The following CFAP299 variants were observed in gnomAD, a reference collection of about 807,000 sequenced individuals.
CFAP299 encodes the protein cilia and flagella associated protein 299.
A neutral mutation model predicts 27.0 loss-of-function variants in CFAP299; 21 were observed. The observed-to-expected ratio is 0.78, with a 90% confidence interval of 0.55 to 1.12. CFAP299 has a LOEUF of 1.12. Among genes scored for constraint, CFAP299 ranks in the 50% most tolerant of loss-of-function variants. The probability of loss-of-function intolerance (pLI) is 0.00; values close to 1 mark genes in which losing one functional copy is unlikely to be tolerated. For missense variants in CFAP299, 310 were observed against 276.6 expected (o/e 1.12, Z -0.86); for synonymous variants, 104 against 98.1 (o/e 1.06, Z -0.36).
At chr4:80,450,410 A>C (rs1053698534) in intron 2 of CFAP299, among the ~76,000 whole-genome samples, 2 of 152,200 alleles carry the variant, frequency 1.3e-5, no homozygotes, top group Non-Finnish European at 2.9e-5. Flanking sequence ...CTCACTTAAT[A>C]TCACATTGCT....
chr4:80,775,605 A>C (rs562971657), intron 3 of CFAP299, among the ~76,000 whole-genome samples: 1 of 152,206 alleles, frequency 6.6e-6, no homozygotes, highest in East Asian at 1.9e-4. Flanking sequence ...CTGCAAAATA[A>C]GAAATAACTT....
intron 2 of CFAP299, among the ~76,000 whole-genome samples, chr4:80,389,258 C>G (rs191079876): frequency 1.3e-5 from 2 of 152,068 alleles, no homozygotes; most frequent in Non-Finnish European, 2.9e-5. Context: ...TCATTCCTAC[C>G]TAGTATTACA....
chr4:80,512,588 G>A (rs890768632), intron 2 of CFAP299, among the ~76,000 whole-genome samples: 21 of 152,020 alleles, frequency 1.4e-4, no homozygotes, highest in African/African-American at 5.1e-4. Context: ...GAGGCGATGA[G>A]GAAAGGAGTT....
chr4:80,510,257 C>G (rs1211616073), intron 2 of CFAP299, among the ~76,000 whole-genome samples: 6 of 152,142 alleles, frequency 3.9e-5, no homozygotes, highest in African/African-American at 1.4e-4. Flanking sequence ...TGTCTATCTT[C>G]TTTACAAGAA....
At chr4:80,587,800 C>T (rs1360503085) in intron 3 of CFAP299, among the ~76,000 whole-genome samples, 1 of 152,162 alleles carries the variant, frequency 6.6e-6, no homozygotes, top group Non-Finnish European at 1.5e-5. Flanking sequence ...CTATTTTGCC[C>T]AGGCTAGTCT....
chr4:80,840,003 G>A (rs940668877), intron 3 of CFAP299, among the ~76,000 whole-genome samples: 1 of 152,104 alleles, frequency 6.6e-6, no homozygotes, highest in Non-Finnish European at 1.5e-5. Flanking sequence ...GTTGTGAGTT[G>A]CAAATGAGAT....
rs1736571828 is a variant in CFAP299 at position 80,930,727 on chromosome 4, A to T, written c.477-14083A>T. ...CCTGCTTACACTTTCTGTTCCACTG[A>T]TATTGACTTGCTGGCCACTCCTTTT... On this transcript the variant is annotated intron_variant, in intron 4 of 5. Transcript: ENST00000358105. 2.6e-5 allele frequency among the ~76,000 whole-genome samples: 4 copies of T among 152,104 alleles called. 1 individual carries two copies. The highest frequency in any genetic ancestry group is 1.3e-4 in the Admixed American group (2 of 15,268).
chr4:80,429,820 G>A (rs1401215261), intron 2 of CFAP299, among the ~76,000 whole-genome samples: 2 of 151,888 alleles, frequency 1.3e-5, no homozygotes, highest in Non-Finnish European at 2.9e-5. Flanking sequence ...TTGGGGTTAA[G>A]TATTTTAATT....
intron 2 of CFAP299, among the ~76,000 whole-genome samples, chr4:80,576,050 G>A (rs1040550600): frequency 3.3e-5 from 5 of 151,946 alleles, no homozygotes; most frequent in African/African-American, 9.7e-5. Context: ...TAGGGGGATG[G>A]GGGAGGGATA....
At chr4:80,504,462 CATATAT>C (rs56729877) in intron 2 of CFAP299, among the ~76,000 whole-genome samples, 2,057 of 37,750 alleles carry the variant, frequency 0.054, 41 homozygotes, top group Middle Eastern at 0.083. Flanking sequence ...TAAAATCTCA[CATATAT>C]ATATATATAT....
At chr4:80,464,557 G>C (rs1029201420) in intron 2 of CFAP299, among the ~76,000 whole-genome samples, 1 of 152,104 alleles carries the variant, frequency 6.6e-6, no homozygotes, top group Non-Finnish European at 1.5e-5. Context: ...CTGCAAACTA[G>C]CAAACTTCTC....
At chr4:80,846,956 A>G (rs1731217190) in intron 3 of CFAP299, among the ~76,000 whole-genome samples, 1 of 152,188 alleles carries the variant, frequency 6.6e-6, no homozygotes, top group South Asian at 2.1e-4. Context: ...TAGCAATTGC[A>G]TTCTTCTGCA....
chr4:80,727,004 C>A (rs1723203260), intron 3 of CFAP299, among the ~76,000 whole-genome samples: 1 of 151,974 alleles, frequency 6.6e-6, no homozygotes, highest in African/African-American at 2.4e-5. Flanking sequence ...CCCCACTCCA[C>A]CCCCAGCATT....
chr4:80,408,935 C>T (rs1047380672), intron 2 of CFAP299, among the ~76,000 whole-genome samples: 9 of 150,356 alleles, frequency 6.0e-5, no homozygotes, highest in African/African-American at 2.2e-4. Context: ...GAAAAATTAG[C>T]CAGGCATTGG....
At position 80,504,498 on chromosome 4, in the gene CFAP299, TATATATA is replaced by T. The variant is rs1560598382; in HGVS notation, c.243-78594_243-78588del. On this transcript the variant is annotated intron_variant, in intron 2 of 5. Transcript: ENST00000358105. ...ATATATATATATATATATATATATA[TATATATA>T]TTTTCCTTTGAAAGAATGCAATGAA... 1.9e-3 allele frequency among the ~76,000 whole-genome samples: 249 copies of T among 131,244 alleles called. 2 individuals carry two copies. Among genetic ancestry groups the T allele is most frequent in the Non-Finnish European group, 3.2e-3 (193 of 60,396 alleles). 86.1% of individuals were successfully genotyped at this position (131,244 alleles called of 152,430 possible).
chr4:80,782,709 T>C lies in CFAP299; in HGVS notation c.334-87284T>C, dbSNP rs7435613. ...GAATATATAATATATTCATATATAA[T>C]ATACATATATGAATATATAATATAT... is the stretch of plus-strand genomic sequence containing the variant. On this transcript the variant is annotated intron_variant, in intron 3 of 5. Transcript: ENST00000358105. Among the ~76,000 whole-genome samples the C allele has an allele frequency of 5.7e-3, 733 of 129,020 alleles. 19 individuals are homozygous for C. The highest frequency in any genetic ancestry group is 0.02 in the African/African-American group (665 of 32,730). The allele number at this position is 129,020 out of a possible 152,430, so 84.6% of individuals were successfully genotyped here.
chr4:80,865,237 A>G (rs1275487807), intron 3 of CFAP299, among the ~76,000 whole-genome samples: 1 of 152,254 alleles, frequency 6.6e-6, no homozygotes, highest in Admixed American at 6.5e-5. Context: ...TGGCTTCTTA[A>G]TAAACGATAA....
chr4:80,832,753 T>C (rs1452124775), intron 3 of CFAP299, among the ~76,000 whole-genome samples: 1 of 152,128 alleles, frequency 6.6e-6, no homozygotes, highest in African/African-American at 2.4e-5. Context: ...TACATACATA[T>C]AAGTTGTGAT....
intron 2 of CFAP299, among the ~76,000 whole-genome samples, chr4:80,561,038 T>A (rs561463666): frequency 6.6e-6 from 1 of 152,274 alleles, no homozygotes; most frequent in Non-Finnish European, 1.5e-5. Context: ...TCAGGTCTGA[T>A]GCAGTGCAGT....
Sources: allele counts gnomAD v4.1 joint callset (sites outside exome capture counted in the v4.1 genomes callset), GRCh38; gene constraint gnomAD v4.1.1; transcripts MANE v1.5; gene names NCBI Gene and HGNC (gene_info 2026-07-23, HGNC 2026-07-21).